Variants in SIN3A observed in about 807,000 individuals in gnomAD.
The protein encoded by SIN3A is paired amphipathic helix protein Sin3a.
A neutral mutation model predicts 146.1 loss-of-function variants in SIN3A; 14 were observed. The ratio of observed to expected loss-of-function variants is 0.10; its 90% CI spans 0.06 to 0.15. The LOEUF (loss-of-function observed/expected upper bound fraction) is 0.15. Ranked by LOEUF, SIN3A falls within the 10% of genes least tolerant of loss-of-function variation. SIN3A has a pLI of 1.00. For synonymous variants in SIN3A, 572 were observed against 572.0 expected (o/e 1.00, Z 0.00); for missense variants, 1,028 against 1,576.0 (o/e 0.65, Z 5.89).
At chr15:75,430,571 C>T (rs777994296) in intron 1 of SIN3A, among the ~76,000 whole-genome samples, 163 bp from the exon 2 acceptor site, 1 of 151,986 alleles carries the variant, frequency 6.6e-6, no homozygotes, top group African/African-American at 2.4e-5. Flanking sequence ...ATACCACCCC[C>T]CAACACAGTG....
intron 12 of SIN3A, among the ~76,000 whole-genome samples, chr15:75,399,646 T>C (rs1282628476): frequency 6.6e-6 from 1 of 152,346 alleles, no homozygotes; most frequent in African/African-American, 2.4e-5. Context: ...GGCAAGATAC[T>C]TGCTAAGGGT....
At chr15:75,445,759 GAAAAAA>G (rs774883850) in intron 1 of SIN3A, among the ~76,000 whole-genome samples, 19 of 86,466 alleles carry the variant, frequency 2.2e-4, no homozygotes, top group African/African-American at 8.0e-4. Context: ...TCAAAAAAAA[GAAAAAA>G]AAAAAAAAAA....
At chr15:75,448,712 T>C (rs986373378) in intron 1 of SIN3A, among the ~76,000 whole-genome samples, 1 of 152,206 alleles carries the variant, frequency 6.6e-6, no homozygotes, top group Admixed American at 6.5e-5. Flanking sequence ...TATGCTAAAC[T>C]ACTGAATGCC....
chr15:75,387,652 T>C (rs901988751), intron 16 of SIN3A, among the ~76,000 whole-genome samples: 13 of 151,840 alleles, frequency 8.6e-5, no homozygotes, highest in Non-Finnish European at 1.8e-4. Context: ...ATTGTAACTA[T>C]TGTTTCGAAA....
In SIN3A at chr15:75,396,369, G is replaced by A. The variant is rs1348726397; in HGVS notation, c.1982C>T (p.Ser661Leu). The change falls in exon 13 of 21, where the codon TCA (serine) becomes TTA (leucine). Residue 661 changes from serine (S) to leucine (L), a missense_variant. Coordinates refer to ENST00000394947, the MANE Select transcript of SIN3A (RefSeq NM_001145358.2). ...GAGTGCTTTTCTATGGATGACTTCT[G>A]ATGTGCCCCCAAGGGTGTTGTCCAA... ...FRLDNTLGGT[S>L]EVIHRKALQR... The A allele has an allele frequency of 6.2e-7, 1 of 1,614,132 alleles. No homozygotes were observed. Among genetic ancestry groups the A allele is most frequent in the South Asian group, 1.1e-5 (1 of 91,080 alleles).
At chr15:75,452,010 G>T (rs2074419765), upstream of SIN3A, among the ~76,000 whole-genome samples, 1 of 152,032 alleles carries the variant, frequency 6.6e-6, no homozygotes, top group African/African-American at 2.4e-5. Flanking sequence ...CACATAACCC[G>T]CCCTGCAGCG....
chr15:75,384,278 C>T lies in SIN3A; in HGVS notation c.3181G>A (p.Glu1061Lys), dbSNP rs750694645. ...QRKAEQLMSD[E>K]NCFKLMFIQS... ...CCAACTCTCACCTTAAAGCAATTCT[C>T]ATCTGACATTAGCTGCTCAGCTTTC... Residue 1061 changes from glutamate to lysine, a missense_variant, in exon 17 of 21, where the codon GAG (glutamate) becomes AAG (lysine). Physicochemically the swap from Glu to Lys is moderately conservative, Grantham distance 56. Around this residue, in one of 9 missense-constraint regions of SIN3A, gnomAD observed 488 missense variants for 690.2 expected, o/e 0.71. Coordinates refer to ENST00000394947, the MANE Select transcript of SIN3A (RefSeq NM_001145358.2). 15 of 1,612,056 alleles carry T rather than the reference C, an allele frequency of 9.3e-6. No individual in the cohort carries two copies. Among genetic ancestry groups the T allele is most frequent in the Non-Finnish European group, 1.3e-5 (15 of 1,178,928 alleles).
At chr15:75,417,799 A>G (rs560042916) in intron 3 of SIN3A, among the ~76,000 whole-genome samples, 7 of 152,272 alleles carry the variant, frequency 4.6e-5, no homozygotes, top group African/African-American at 1.7e-4. Flanking sequence ...TTAATCACCG[A>G]TATGATGATA....
rs1334079481 is a variant in SIN3A, at chr15:75,396,444, A to G, written c.1907T>C (p.Ile636Thr). 1.2e-6 allele frequency: 2 copies of G among 1,614,040 alleles called. No individual in the cohort carries two copies. Among genetic ancestry groups the G allele is most frequent in the South Asian group, 2.2e-5 (2 of 91,080 alleles). Residue 636 changes from isoleucine (I) to threonine (T), a missense_variant, in exon 13 of 21, where the codon ATA becomes ACA. By Grantham distance (89) the Ile-to-Thr change is moderately conservative (BLOSUM62 -1). Around this residue, in one of 9 missense-constraint regions of SIN3A, gnomAD observed 157 missense variants for 284.8 expected, o/e 0.55. Transcript: ENST00000394947. ...NLATIRVLEA[I>T]QKKLSRLSAE... ...AGACAAGCGGGAAAGCTTCTTCTGT[A>G]TTGCTTCCAGAACCCGGATTGTTGC...
chr15:75,450,885 G>T (rs976951929), intron 1 of SIN3A, among the ~76,000 whole-genome samples: 30 of 152,204 alleles, frequency 2.0e-4, no homozygotes, highest in African/African-American at 6.0e-4. Flanking sequence ...CGGGGTGCAG[G>T]GGGGGACGGC....
intron 1 of SIN3A, among the ~76,000 whole-genome samples, chr15:75,449,154 A>C (rs141770586): frequency 1.7e-4 from 26 of 152,282 alleles, no homozygotes; most frequent in African/African-American, 5.8e-4. Flanking sequence ...GTTCTCCACT[A>C]TCTCTCTCAG....
chr15:75,394,596 T>C, intron 14 of SIN3A, 84 bp downstream of exon 14: 1 of 1,177,688 alleles, frequency 8.5e-7, no homozygotes, highest in Non-Finnish European at 1.2e-6. Flanking sequence ...CTCACCTGCA[T>C]TTAACAAAGG....
intron 2 of SIN3A, among the ~76,000 whole-genome samples, chr15:75,426,361 C>A (rs1231046677): frequency 6.6e-6 from 1 of 152,204 alleles, no homozygotes; most frequent in African/African-American, 2.4e-5. Flanking sequence ...TGCATTTCCT[C>A]TTCTTTATAT....
chr15:75,392,223 C>G lies in SIN3A; in HGVS notation c.2851+19G>C. On this transcript the variant is annotated intron_variant, in intron 15 of 20. Coordinates refer to ENST00000394947, the MANE Select transcript of SIN3A (RefSeq NM_001145358.2). ...TCAACCTCACACATCCTCTGTAAAT[C>G]AGAGGTCTCGGCACTCACTAGGTTC... is the stretch of plus-strand genomic sequence containing the variant. 1.9e-6 allele frequency: 3 copies of G among 1,603,050 alleles called. No individual in the cohort carries two copies. The highest frequency in any genetic ancestry group is 1.7e-6 in the Non-Finnish European group (2 of 1,173,006).
At chr15:75,393,248 G>A (rs943958517) in intron 14 of SIN3A, among the ~76,000 whole-genome samples, 1 of 152,130 alleles carries the variant, frequency 6.6e-6, no homozygotes, top group African/African-American at 2.4e-5. Flanking sequence ...CTTAGGACCT[G>A]ACTATAACAA....
chr15:75,407,564 A>C (rs2073537890), intron 8 of SIN3A, among the ~76,000 whole-genome samples: 1 of 152,162 alleles, frequency 6.6e-6, no homozygotes. Context: ...ATCAATCTTT[A>C]ACCCTGAATA....
At chr15:75,455,751 T>C (rs1352709915), upstream of SIN3A, 3 of 152,070 alleles carry the variant, frequency 2.0e-5, no homozygotes, top group African/African-American at 4.8e-5. Flanking sequence ...ACGCCTGAGA[T>C]TGGGGGGACC....
At chr15:75,432,772 G>A (rs1031385650) in intron 1 of SIN3A, among the ~76,000 whole-genome samples, 3 of 151,590 alleles carry the variant, frequency 2.0e-5, no homozygotes, top group African/African-American at 4.9e-5. Flanking sequence ...GCTGGTCACA[G>A]TGGCTCACAC....
chr15:75,372,087 C>A lies in SIN3A; in HGVS notation c.3714G>T (p.Gly1238=). The A allele has an allele frequency of 6.2e-7, 1 of 1,614,180 alleles. No individual in the cohort carries two copies. The highest frequency in any genetic ancestry group is 8.5e-7 in the Non-Finnish European group (1 of 1,180,024). ...AETSKWLMGE[G]LEGLVPCTTT... Reference sequence around the variant, plus strand: ...TGGTACAGGGCACCAGGCCCTCCAGCCCCTCACCCATGAGCCACTTGCTGG... The same window carrying A: ...TGGTACAGGGCACCAGGCCCTCCAGACCCTCACCCATGAGCCACTTGCTGG... Residue 1238 remains glycine (G), a synonymous_variant, in exon 21 of 21, where the codon GGG becomes GGT. Coordinates refer to ENST00000394947, the MANE Select transcript of SIN3A (RefSeq NM_001145358.2).
Sources: gnomAD v4.1 joint callset for allele counts (sites outside exome capture counted in the v4.1 genomes callset) on GRCh38, gnomAD v4.1.1 for gene constraint, gnomAD v4.1.1 regional missense constraint, MANE v1.5 for transcripts, NCBI Gene and HGNC (gene_info 2026-07-23, HGNC 2026-07-21) for gene names.